ASH1L: variants seen among roughly 807,000 people sequenced by gnomAD.
ASH1L encodes histone-lysine N-methyltransferase ASH1L.
A neutral mutation model predicts 269.0 loss-of-function variants in ASH1L; 23 were observed. The observed-to-expected ratio is 0.09, with a 90% CI of 0.06 to 0.12. ASH1L has a LOEUF of 0.12. Among genes scored for constraint, ASH1L ranks in the 10% least tolerant of loss-of-function variants. The probability of loss-of-function intolerance (pLI) is 1.00; values close to 1 mark genes in which losing one functional copy is unlikely to be tolerated. For synonymous variants in ASH1L, 1,187 were observed against 1,253.5 expected (o/e 0.95, Z 1.12); for missense variants, 2,912 against 3,567.8 (o/e 0.82, Z 4.68).
intron 1 of ASH1L, among the ~76,000 whole-genome samples, chr1:155,542,661 A>G (rs1670507131): frequency 6.7e-6 from 1 of 149,214 alleles, no homozygotes; most frequent in Non-Finnish European, 1.5e-5. Flanking sequence ...GGCAAAATTC[A>G]TGCTGTAATT....
intron 2 of ASH1L, among the ~76,000 whole-genome samples, chr1:155,493,353 G>A (rs1376588774): frequency 6.6e-6 from 1 of 152,080 alleles, no homozygotes; most frequent in Non-Finnish European, 1.5e-5. Context: ...CAATAACAAA[G>A]TAAATGTATT....
At chr1:155,353,455 T>G (rs1303584590) in intron 16 of ASH1L, among the ~76,000 whole-genome samples, 4 of 152,136 alleles carry the variant, frequency 2.6e-5, no homozygotes, top group African/African-American at 9.7e-5. Flanking sequence ...AGCATATCCC[T>G]CACACATCAC....
intron 20 of ASH1L, 29 bp downstream of exon 20, chr1:155,347,627 A>G: frequency 6.2e-7 from 1 of 1,611,832 alleles, no homozygotes; most frequent in Non-Finnish European, 8.5e-7. Context: ...CATCAGGACC[A>G]AGCTTCTGCT....
intron 1 of ASH1L, among the ~76,000 whole-genome samples, chr1:155,533,324 C>A (rs1244955629): frequency 6.6e-6 from 1 of 151,900 alleles, no homozygotes; most frequent in Non-Finnish European, 1.5e-5. Flanking sequence ...TATTATTATT[C>A]CCTTTTTAGA....
At chr1:155,386,558 TCTA>T in intron 7 of ASH1L, among the ~76,000 whole-genome samples, 2 of 49,030 alleles carry the variant, frequency 4.1e-5, no homozygotes, top group African/African-American at 7.2e-5. Flanking sequence ...GCTAATTTTT[TCTA>T]TTTTTTTTTT....
In ASH1L at chr1:155,343,808, T is replaced by C; in HGVS notation, c.7982-66A>G. 6.4e-7 allele frequency: 1 copy of C among 1,570,548 alleles called. No individual in the cohort carries two copies. On this transcript the variant is annotated intron_variant, in intron 22 of 27. Coordinates refer to ENST00000392403, the MANE Select transcript of ASH1L (RefSeq NM_018489.3). The surrounding 1 kb of genome is among the most constrained non-coding windows in gnomAD (Gnocchi z 6.1). ...TTGTATGAATTCTGTTAGGCATCTG[T>C]TTATCTGACTCAGGGTCTACATAGA... is the stretch of plus-strand genomic sequence containing the variant.
intron 1 of ASH1L, among the ~76,000 whole-genome samples, chr1:155,535,859 G>C (rs746953026): frequency 6.6e-6 from 1 of 151,900 alleles, no homozygotes; most frequent in Non-Finnish European, 1.5e-5. Flanking sequence ...TTAGCCAGGC[G>C]TGGTGGCGCA....
intron 3 of ASH1L, among the ~76,000 whole-genome samples, chr1:155,461,720 T>C (rs1349737119): frequency 6.6e-6 from 1 of 151,428 alleles, no homozygotes; most frequent in African/African-American, 2.4e-5. Context: ...AAGACAATAG[T>C]GGCCAAGAAG....
intron 4 of ASH1L, among the ~76,000 whole-genome samples, chr1:155,444,444 T>C (rs572298878): frequency 2.0e-5 from 3 of 152,290 alleles, no homozygotes; most frequent in Admixed American, 2.0e-4. Flanking sequence ...AATGGGTGTG[T>C]TCTCATTTAT....
At chr1:155,433,366 A>G in intron 5 of ASH1L, 4 of 1,594,984 alleles carry the variant, frequency 2.5e-6, no homozygotes, top group Non-Finnish European at 3.4e-6. Context: ...GGATTCCCCC[A>G]TGCCCCCCGC....
intron 5 of ASH1L, among the ~76,000 whole-genome samples, chr1:155,428,091 T>C (rs971952968): frequency 2.6e-5 from 4 of 152,122 alleles, no homozygotes; most frequent in Non-Finnish European, 5.9e-5. Flanking sequence ...AAACCTCTTT[T>C]CTTTATAAAT....
At position 155,480,447 on chromosome 1, in the gene ASH1L, T is replaced by C; in HGVS notation, c.2423A>G (p.Lys808Arg). 2 of 1,614,080 alleles carry C rather than the reference T, an allele frequency of 1.2e-6. No homozygotes were observed. The highest frequency in any genetic ancestry group is 1.1e-5 in the South Asian group (1 of 91,072). Residue 808 changes from lysine to arginine, a missense_variant, in exon 3 of 28, where the codon AAA becomes AGA. Coordinates refer to ENST00000392403, the MANE Select transcript of ASH1L (RefSeq NM_018489.3). ...AGAGACACACATACTGGAGGATAGT[T>C]TGTGAGTAGCAAAAGACTTATGAGA... is the stretch of plus-strand genomic sequence containing the variant. The part of the protein sequence containing the change: ...KPSHKSFATH[K>R]LSSSMCVSSD...
chr1:155,363,633 A>G (rs894973070), intron 12 of ASH1L, among the ~76,000 whole-genome samples: 5 of 152,120 alleles, frequency 3.3e-5, no homozygotes, highest in Non-Finnish European at 7.4e-5. Flanking sequence ...ATAGGTGCAA[A>G]GCCAACAAGT....
At chr1:155,437,059 T>C (rs1662159519) in intron 5 of ASH1L, among the ~76,000 whole-genome samples, 1 of 152,210 alleles carries the variant, frequency 6.6e-6, no homozygotes, top group Non-Finnish European at 1.5e-5. Flanking sequence ...TTTATGCTAC[T>C]ACCATACGGT....
At chr1:155,353,986 T>C (rs1168692389) in intron 16 of ASH1L, among the ~76,000 whole-genome samples, 1 of 152,254 alleles carries the variant, frequency 6.6e-6, no homozygotes, top group South Asian at 2.1e-4. Flanking sequence ...AGGAGGTTTC[T>C]TTCTATTCCC....
At chr1:155,465,115 T>TA (rs1664577390) in intron 3 of ASH1L, among the ~76,000 whole-genome samples, 1 of 151,850 alleles carries the variant, frequency 6.6e-6, no homozygotes, top group Non-Finnish European at 1.5e-5. Flanking sequence ...GTGAAGACAG[T>TA]AAAACAGGCA....
chr1:155,395,640 G>A (rs911597856), intron 6 of ASH1L, 87 bp from the exon 7 acceptor site: 57 of 857,882 alleles, frequency 6.6e-5, no homozygotes, highest in Admixed American at 8.0e-5. Context: ...ATCCTATGAG[G>A]AGAGGGTACC....
rs373464031 is a variant in ASH1L, at chr1:155,338,084, C to T, written c.8803+5G>A. ...AACCCTAGATATGAACCTGATTCTT[C>T]TTACCATTTTTTCCAGGGATTTTTT... On this transcript the variant is annotated splice_donor_5th_base_variant and intron_variant, in intron 27 of 27. Transcript: ENST00000392403. 29 of 1,611,758 alleles carry T rather than the reference C, an allele frequency of 1.8e-5. No individual in the cohort carries two copies. Among genetic ancestry groups the T allele is most frequent in the Non-Finnish European group, 2.5e-5 (29 of 1,178,488 alleles).
chr1:155,554,173 C>A (rs1055192203), intron 1 of ASH1L, among the ~76,000 whole-genome samples: 1 of 151,818 alleles, frequency 6.6e-6, no homozygotes, highest in African/African-American at 2.4e-5. Context: ...CAGCCTCAAT[C>A]TCCCAGGCTC....
Sources: gnomAD v4.1 joint callset for allele counts (sites outside exome capture counted in the v4.1 genomes callset) on GRCh38, gnomAD v4.1.1 for gene constraint, Gnocchi (gnomAD v3.1) non-coding constraint, MANE v1.5 for transcripts, NCBI Gene and HGNC (gene_info 2026-07-23, HGNC 2026-07-21) for gene names.